Variants in MAGI3 observed in about 807,000 individuals in gnomAD.
MAGI3 encodes membrane-associated guanylate kinase, WW and PDZ domain-containing protein 3.
Under a neutral mutation model 121.8 loss-of-function variants are expected in MAGI3, and 43 were observed. The ratio of observed to expected loss-of-function variants is 0.35; its 90% CI spans 0.28 to 0.46. MAGI3 has a LOEUF of 0.46. Ranked by LOEUF, MAGI3 falls within the 20% of genes least tolerant of loss-of-function variation. The pLI is 1.00. For synonymous variants in MAGI3, 553 were observed against 639.3 expected (o/e 0.86, Z 2.04); for missense variants, 1,547 against 1,797.3 (o/e 0.86, Z 2.52).
intron 1 of MAGI3, among the ~76,000 whole-genome samples, chr1:113,399,490 A>G (rs1202648572): frequency 6.6e-6 from 1 of 152,198 alleles, no homozygotes; most frequent in East Asian, 1.9e-4. Context: ...GGCCAGAAGT[A>G]GTACACAGTT....
intron 1 of MAGI3, among the ~76,000 whole-genome samples, chr1:113,438,173 A>G (rs1158483625): frequency 6.6e-6 from 1 of 151,886 alleles, no homozygotes; most frequent in African/African-American, 2.4e-5. Context: ...CTGGCCTCCA[A>G]TTTATGGGCT....
intron 2 of MAGI3, among the ~76,000 whole-genome samples, chr1:113,566,781 A>G (rs1291153355): frequency 6.6e-6 from 1 of 152,138 alleles, no homozygotes; most frequent in African/African-American, 2.4e-5. Flanking sequence ...CTTATGGAAT[A>G]TAGTAAAAGC....
In MAGI3 at chr1:113,684,065, C is replaced by A. The variant is rs1571050754; in HGVS notation, c.*51C>A. ...AAGTTGTAATCTTTTCTTACAGCAGCATTTTTCCAGAAAAAGCCTTTTTTT... is the reference window on the plus strand; with the variant it reads ...AAGTTGTAATCTTTTCTTACAGCAGAATTTTTCCAGAAAAAGCCTTTTTTT... On this transcript the variant is annotated 3_prime_UTR_variant, in exon 21 of 21. Transcript: ENST00000307546. The A allele has an allele frequency of 3.5e-6, 5 of 1,423,134 alleles. No homozygotes were observed. The highest frequency in any genetic ancestry group is 3.3e-5 in the South Asian group (2 of 61,130). 88.2% of individuals were successfully genotyped at this position (1,423,134 alleles called of 1,614,324 possible).
chr1:113,616,252 A>G (rs1391106930), intron 7 of MAGI3, among the ~76,000 whole-genome samples: 1 of 152,220 alleles, frequency 6.6e-6, no homozygotes, highest in African/African-American at 2.4e-5. Context: ...ATGATTTTGT[A>G]TGATTATTCC....
At chr1:113,437,725 TC>T in intron 1 of MAGI3, among the ~76,000 whole-genome samples, 1 of 133,152 alleles carries the variant, frequency 7.5e-6, no homozygotes. Flanking sequence ...TCCTTCTCCT[TC>T]TTTCTTCTTC....
intron 9 of MAGI3, among the ~76,000 whole-genome samples, chr1:113,629,492 G>A (rs1415613891): frequency 6.6e-6 from 1 of 152,136 alleles, no homozygotes; most frequent in Non-Finnish European, 1.5e-5. Context: ...ATAGATGTTT[G>A]TTGGTGTCTG....
At chr1:113,606,032 C>A (rs1649754950) in intron 6 of MAGI3, among the ~76,000 whole-genome samples, 1 of 152,106 alleles carries the variant, frequency 6.6e-6, no homozygotes, top group Non-Finnish European at 1.5e-5. Flanking sequence ...GTGGCGCAAT[C>A]TCTGCTCACT....
chr1:113,585,380 A>G lies in MAGI3; in HGVS notation c.554-7A>G, dbSNP rs1648300082. ...AGTAATTTCAGCTGCTATTTTATTCACTTCAGGAAACTTCTATGGAACTCC... is the reference window on the plus strand; with the variant it reads ...AGTAATTTCAGCTGCTATTTTATTCGCTTCAGGAAACTTCTATGGAACTCC... On this transcript the variant is annotated splice_region_variant and splice_polypyrimidine_tract_variant and intron_variant, in intron 3 of 20. Coordinates refer to ENST00000307546, the MANE Select transcript of MAGI3 (RefSeq NM_001142782.2). The G allele has an allele frequency of 6.2e-6, 10 of 1,612,844 alleles. No individual in the cohort carries two copies. Among genetic ancestry groups the G allele is most frequent in the Non-Finnish European group, 8.5e-6 (10 of 1,179,348 alleles).
chr1:113,423,936 C>G (rs1370926513), intron 1 of MAGI3, among the ~76,000 whole-genome samples: 5 of 152,158 alleles, frequency 3.3e-5, no homozygotes, highest in African/African-American at 1.2e-4. Context: ...ACCCCAAGTG[C>G]TTGCACACCC....
rs78063071 is a variant in MAGI3, at chr1:113,677,309, C to T, written c.3189+3844C>T. On this transcript the variant is annotated intron_variant, in intron 19 of 20. Coordinates refer to ENST00000307546, the MANE Select transcript of MAGI3 (RefSeq NM_001142782.2). ...AACATGTATTTTCCTACACAACATG[C>T]GTTTTTACTTATATTAGTCTCAAAA... Among the ~76,000 whole-genome samples the T allele has an allele frequency of 9.9e-5, 15 of 152,164 alleles. 1 individual carries two copies. The highest frequency in any genetic ancestry group is 1.8e-4 in the Non-Finnish European group (12 of 68,022).
intron 1 of MAGI3, among the ~76,000 whole-genome samples, chr1:113,447,851 T>C (rs992003372): frequency 1.4e-4 from 20 of 145,190 alleles, no homozygotes; most frequent in Non-Finnish European, 4.5e-5. Context: ...CAAGACTGTG[T>C]CTCAAAAAAA....
Position 113,596,048 on chromosome 1 carries a change from ACT to A in MAGI3, c.1018+1489_1018+1490del. Among the ~76,000 whole-genome samples the A allele has an allele frequency of 2.0e-5, 3 of 151,734 alleles. 1 individual carries two copies. The South Asian group carries it at 6.3e-4, about 32-fold the overall frequency. The stretch of plus-strand genomic sequence containing the variant: ...CCTGTCTCAAAATACTAATACTAAT[ACT>A]AATACTAATAATAATTGACAAGATA... On this transcript the variant is annotated intron_variant, in intron 6 of 20. Coordinates refer to ENST00000307546, the MANE Select transcript of MAGI3 (RefSeq NM_001142782.2).
At chr1:113,529,966 C>A (rs1365564393) in intron 1 of MAGI3, among the ~76,000 whole-genome samples, 1 of 151,768 alleles carries the variant, frequency 6.6e-6, no homozygotes, top group Non-Finnish European at 1.5e-5. Flanking sequence ...TTTTCTTTTT[C>A]TGGAAAATGC....
At chr1:113,437,887 C>T (rs1653695042) in intron 1 of MAGI3, among the ~76,000 whole-genome samples, 1 of 1,730 alleles carries the variant, frequency 5.8e-4, no homozygotes, top group Non-Finnish European at 1.3e-3. Flanking sequence ...TCTCCTTCTC[C>T]TTCTCCTTCT....
At chr1:113,449,947 T>C in intron 1 of MAGI3, 2 of 1,536,454 alleles carry the variant, frequency 1.3e-6, no homozygotes, top group Non-Finnish European at 1.8e-6. Flanking sequence ...GGGCGTGTAG[T>C]GGAACCAAAG....
chr1:113,603,150 T>C (rs934330535), intron 6 of MAGI3, among the ~76,000 whole-genome samples: 1 of 151,844 alleles, frequency 6.6e-6, no homozygotes, highest in African/African-American at 2.4e-5. Context: ...AATGGAGACA[T>C]TACAACAAAC....
At chr1:113,542,529 A>C (rs2101657696) in intron 1 of MAGI3, among the ~76,000 whole-genome samples, 1 of 152,324 alleles carries the variant, frequency 6.6e-6, no homozygotes, top group South Asian at 2.1e-4. Flanking sequence ...TCCACGTTTG[A>C]AATTTCTTCT....
chr1:113,392,497 A>C (rs1185039032), intron 1 of MAGI3, among the ~76,000 whole-genome samples: 1 of 152,190 alleles, frequency 6.6e-6, no homozygotes, highest in Non-Finnish European at 1.5e-5. Flanking sequence ...CTTTGGAAAT[A>C]TTAATATATC....
chr1:113,415,728 A>G (rs562044360), intron 1 of MAGI3, among the ~76,000 whole-genome samples: 3 of 152,084 alleles, frequency 2.0e-5, no homozygotes, highest in African/African-American at 7.2e-5. Context: ...TACACCAATG[A>G]CAATGGTCTG....
Sources: allele counts gnomAD v4.1 joint callset (sites outside exome capture counted in the v4.1 genomes callset), GRCh38; gene constraint gnomAD v4.1.1; transcripts MANE v1.5; gene names NCBI Gene and HGNC (gene_info 2026-07-23, HGNC 2026-07-21).